Variants in WDFY2 observed in about 807,000 individuals in gnomAD.
The protein encoded by WDFY2 is WD repeat and FYVE domain-containing protein 2.
WDFY2 carries 36 observed loss-of-function variants against 56.4 expected under a neutral mutation model. The ratio of observed to expected loss-of-function variants is 0.64; its 90% CI spans 0.49 to 0.84. The LOEUF (loss-of-function observed/expected upper bound fraction) is 0.84. Among genes scored for constraint, WDFY2 ranks in the 40% least tolerant of loss-of-function variants. The pLI is 0.00. For missense variants in WDFY2, 444 were observed against 512.2 expected, an observed-to-expected ratio of 0.87 and a Z score of 1.29; for synonymous variants, 176 against 183.7, an observed-to-expected ratio of 0.96 and a Z score of 0.34.
chr13:51,635,820 T>C (rs1312188285), intron 1 of WDFY2, among the ~76,000 whole-genome samples: 1 of 152,200 alleles, frequency 6.6e-6, no homozygotes, highest in Non-Finnish European at 1.5e-5. Context: ...GAATGCTCAA[T>C]ATGTTATTAG....
At position 51,711,019 on chromosome 13, in the gene WDFY2, C is replaced by T. The variant is rs528688623; in HGVS notation, c.334+7369C>T. ...CAAAAGAACAAAGCTGGAGGCATCA[C>T]GCTACCTGACTTCAAACTATACTAC... On this transcript the variant is annotated intron_variant, in intron 4 of 11. Coordinates refer to ENST00000298125, the MANE Select transcript of WDFY2 (RefSeq NM_052950.4). Among the ~76,000 whole-genome samples the T allele has an allele frequency of 3.1e-3, 471 of 152,212 alleles. 2 individuals are homozygous for T. The highest frequency in any genetic ancestry group is 0.011 in the African/African-American group (438 of 41,518).
intron 4 of WDFY2, among the ~76,000 whole-genome samples, chr13:51,716,873 A>G (rs1303754241): frequency 1.3e-5 from 2 of 152,266 alleles, no homozygotes; most frequent in Middle Eastern, 3.4e-3. Context: ...TAGGCAAAGC[A>G]GGTTCAGCAT....
chr13:51,677,543 A>G (rs1208557314), intron 3 of WDFY2, among the ~76,000 whole-genome samples: 1 of 152,254 alleles, frequency 6.6e-6, no homozygotes, highest in African/African-American at 2.4e-5. Context: ...TAACAAATAA[A>G]TTTTAAGAAG....
chr13:51,744,138 T>C (rs1953039217), intron 7 of WDFY2, among the ~76,000 whole-genome samples: 1 of 152,224 alleles, frequency 6.6e-6, no homozygotes, highest in South Asian at 2.1e-4. Context: ...TGTGGATTGC[T>C]CACAGCCTTC....
At chr13:51,683,494 A>G (rs995306621) in intron 3 of WDFY2, among the ~76,000 whole-genome samples, 2 of 152,202 alleles carry the variant, frequency 1.3e-5, no homozygotes, top group Admixed American at 1.3e-4. Context: ...TCAAGCCCAG[A>G]TGGGCTGGTG....
chr13:51,602,694 T>C (rs550268489), intron 1 of WDFY2, among the ~76,000 whole-genome samples: 5 of 152,328 alleles, frequency 3.3e-5, no homozygotes, highest in Admixed American at 2.6e-4. Flanking sequence ...ATTTGTTCAT[T>C]AGTTGTTTTT....
At chr13:51,713,435 A>C (rs1296479622) in intron 4 of WDFY2, among the ~76,000 whole-genome samples, 2 of 152,212 alleles carry the variant, frequency 1.3e-5, no homozygotes, top group Non-Finnish European at 2.9e-5. Flanking sequence ...GGTGGAGGCA[A>C]CCTAAATGCC....
intron 5 of WDFY2, among the ~76,000 whole-genome samples, chr13:51,719,991 G>A (rs949903892): frequency 5.3e-5 from 8 of 152,128 alleles, no homozygotes; most frequent in African/African-American, 1.9e-4. Context: ...ACTAGGCTCC[G>A]GCAAGCACAG....
At chr13:51,645,149 T>TC (rs1465649060) in intron 1 of WDFY2, among the ~76,000 whole-genome samples, 1 of 152,190 alleles carries the variant, frequency 6.6e-6, no homozygotes, top group Non-Finnish European at 1.5e-5. Context: ...TTCTTTTTTT[T>TC]CTCTTTAAAC....
rs764072257 is a variant in WDFY2 at position 51,758,315 on chromosome 13, T to C, written c.1173+15T>C. 100 of 1,555,730 alleles carry C rather than the reference T, an allele frequency of 6.4e-5. No individual in the cohort carries two copies. The highest frequency in any genetic ancestry group is 8.7e-5 in the Non-Finnish European group (99 of 1,133,328). On this transcript the variant is annotated intron_variant, in intron 11 of 11. Coordinates refer to ENST00000298125, the MANE Select transcript of WDFY2 (RefSeq NM_052950.4). The stretch of plus-strand genomic sequence containing the variant: ...AGGTTATTAAGGTAAGATGCCATCT[T>C]ATTAAGAAGCTTTCCATCTTTGGCC...
chr13:51,611,653 C>G (rs1008787330), intron 1 of WDFY2, among the ~76,000 whole-genome samples: 1 of 152,126 alleles, frequency 6.6e-6, no homozygotes, highest in African/African-American at 2.4e-5. Flanking sequence ...TTACCCCTAC[C>G]TCATACGACT....
chr13:51,584,636 C>T lies in WDFY2; in HGVS notation c.-52C>T, dbSNP rs1953898875. The T allele has an allele frequency of 6.4e-7, 1 of 1,574,748 alleles. No homozygotes were observed. On this transcript the variant is annotated 5_prime_UTR_variant, in exon 1 of 12. Transcript: ENST00000298125. ...TCCGTGCTCCAGCAGTCTCCTCAGC[C>T]CGGCCCCGCGGCGCGGTTGGCGGCG...
chr13:51,645,340 A>G (rs535998664), intron 1 of WDFY2, among the ~76,000 whole-genome samples: 1 of 152,062 alleles, frequency 6.6e-6, no homozygotes, highest in Non-Finnish European at 1.5e-5. Context: ...CCCTACCCCA[A>G]GTTACTTCAG....
chr13:51,678,444 A>G (rs1955923842), intron 3 of WDFY2, among the ~76,000 whole-genome samples: 1 of 152,238 alleles, frequency 6.6e-6, no homozygotes, highest in African/African-American at 2.4e-5. Flanking sequence ...GTTTATTTGT[A>G]CAATTCTATT....
chr13:51,707,317 C>T (rs558672767), intron 4 of WDFY2, among the ~76,000 whole-genome samples: 47 of 152,100 alleles, frequency 3.1e-4, no homozygotes, highest in Non-Finnish European at 5.7e-4. Flanking sequence ...TGCCACCACA[C>T]CTGGCTAAGT....
chr13:51,681,165 A>G (rs1489792656), intron 3 of WDFY2, among the ~76,000 whole-genome samples: 1 of 152,154 alleles, frequency 6.6e-6, no homozygotes, highest in Non-Finnish European at 1.5e-5. Context: ...AAGCAAGTTG[A>G]CTGTACAGTT....
intron 1 of WDFY2, among the ~76,000 whole-genome samples, chr13:51,620,764 A>G (rs942080223): frequency 1.3e-5 from 2 of 152,174 alleles, no homozygotes; most frequent in Non-Finnish European, 2.9e-5. Context: ...CCTGTGAGGC[A>G]GTCTTTCCCC....
intron 3 of WDFY2, among the ~76,000 whole-genome samples, chr13:51,685,343 A>G (rs144377191): frequency 6.6e-6 from 1 of 152,332 alleles, no homozygotes; most frequent in East Asian, 1.9e-4. Context: ...CCTTTGAACA[A>G]TGTGGGGGTT....
At chr13:51,628,571 C>T (rs1246812483) in intron 1 of WDFY2, among the ~76,000 whole-genome samples, 4 of 152,132 alleles carry the variant, frequency 2.6e-5, no homozygotes, top group East Asian at 1.9e-4. Flanking sequence ...CCGCCTGTTC[C>T]TTGCTCCCAC....
Sources: allele counts gnomAD v4.1 joint callset (sites outside exome capture counted in the v4.1 genomes callset), GRCh38; gene constraint gnomAD v4.1.1; transcripts MANE v1.5; gene names NCBI Gene and HGNC (gene_info 2026-07-23, HGNC 2026-07-21).